Variants in FRAS1 observed in about 807,000 individuals in gnomAD.
The protein encoded by FRAS1 is Fraser extracellular matrix complex subunit 1.
Under a neutral mutation model 435.2 loss-of-function variants are expected in FRAS1, and 290 were observed. The ratio of observed to expected loss-of-function variants is 0.67; its 90% CI spans 0.61 to 0.73. FRAS1 has a LOEUF of 0.73. Ranked by LOEUF, FRAS1 falls within the 30% of genes least tolerant of loss-of-function variation. FRAS1 has a pLI of 0.00. For synonymous variants in FRAS1, 1,800 were observed against 1,851.0 expected, an observed-to-expected ratio of 0.97 and a Z score of 0.71; for missense variants, 4,860 against 5,001.5, an observed-to-expected ratio of 0.97 and a Z score of 0.85.
intron 32 of FRAS1, among the ~76,000 whole-genome samples, chr4:78,415,698 GTCAGA>G (rs1180494593): frequency 6.6e-6 from 1 of 152,216 alleles, no homozygotes; most frequent in East Asian, 1.9e-4. Context: ...AGAAATGAGA[GTCAGA>G]TCATGGAAGA....
chr4:78,185,686 A>C (rs1477708419), intron 2 of FRAS1, among the ~76,000 whole-genome samples: 1 of 152,208 alleles, frequency 6.6e-6, no homozygotes, highest in African/African-American at 2.4e-5. Flanking sequence ...AGCATGTAAA[A>C]ATATCTATAC....
intron 2 of FRAS1, among the ~76,000 whole-genome samples, chr4:78,232,386 T>C (rs930814019): frequency 3.3e-5 from 5 of 151,740 alleles, no homozygotes; most frequent in Admixed American, 6.6e-5. Context: ...CCCGGGTTCA[T>C]GCCATTCTCC....
intron 20 of FRAS1, among the ~76,000 whole-genome samples, chr4:78,345,087 C>T (rs1000958275): frequency 2.6e-5 from 4 of 152,072 alleles, no homozygotes; most frequent in East Asian, 1.9e-4. Flanking sequence ...GGATCTGGGC[C>T]GTTAAAAGCA....
rs547089905 is a variant in FRAS1 at position 78,521,592 on chromosome 4, G to A, written c.10610G>A (p.Arg3537His). Residue 3537 changes from arginine (R) to histidine (H), a missense_variant, in exon 68 of 74, where the codon CGT becomes CAT. Physicochemically the swap from Arg to His is conservative, Grantham distance 29. Coordinates refer to ENST00000512123, the MANE Select transcript of FRAS1 (RefSeq NM_025074.7). ...AGAATCTACATTCGAGAGGATGGCC[G>A]TCTTGTCATTGAATTCAAGACCCAT... ...IIRIYIREDG[R>H]LVIEFKTHAK... is the part of the protein sequence containing the mutation. The A allele has an allele frequency of 9.3e-6, 15 of 1,610,138 alleles. No homozygotes were observed. The highest frequency in any genetic ancestry group is 8.0e-5 in the African/African-American group (6 of 74,696).
chr4:78,187,301 G>A (rs1722315417), intron 2 of FRAS1, among the ~76,000 whole-genome samples: 1 of 152,206 alleles, frequency 6.6e-6, no homozygotes, highest in Non-Finnish European at 1.5e-5. Flanking sequence ...AGCTGGACAA[G>A]CAGAAGGATG....
intron 20 of FRAS1, among the ~76,000 whole-genome samples, chr4:78,361,798 C>A (rs1288427920): frequency 2.6e-5 from 4 of 152,190 alleles, no homozygotes; most frequent in Non-Finnish European, 5.9e-5. Context: ...TTAGCGAGTA[C>A]AAACAAATGC....
chr4:78,308,276 C>CTTGT (rs1728875910), intron 15 of FRAS1, 67 bp downstream of exon 15: 1 of 1,477,502 alleles, frequency 6.8e-7, no homozygotes, highest in South Asian at 1.3e-5. Context: ...TTGTTGTATT[C>CTTGT]AAATCATAGC....
intron 14 of FRAS1, among the ~76,000 whole-genome samples, chr4:78,304,782 A>C (rs1163426446): frequency 1.3e-5 from 2 of 152,000 alleles, no homozygotes; most frequent in Non-Finnish European, 2.9e-5. Flanking sequence ...AAAGTGGTCT[A>C]TCAATTTTGT....
intron 2 of FRAS1, among the ~76,000 whole-genome samples, chr4:78,200,455 A>G (rs1228425417): frequency 6.6e-6 from 1 of 152,200 alleles, no homozygotes; most frequent in African/African-American, 2.4e-5. Context: ...GATTATTATG[A>G]AAGCAGGGCA....
At chr4:78,191,636 A>G (rs1722538884) in intron 2 of FRAS1, among the ~76,000 whole-genome samples, 1 of 150,962 alleles carries the variant, frequency 6.6e-6, no homozygotes, top group East Asian at 2.0e-4. Context: ...GGTGTGCTGC[A>G]CCCATTAACT....
intron 18 of FRAS1, among the ~76,000 whole-genome samples, chr4:78,330,473 G>A (rs2110254730): frequency 6.6e-6 from 1 of 152,336 alleles, no homozygotes; most frequent in African/African-American, 2.4e-5. Context: ...GACCACTGGT[G>A]AGCCATGCAG....
chr4:78,304,328 G>T (rs1331032618), intron 14 of FRAS1, among the ~76,000 whole-genome samples: 1 of 152,096 alleles, frequency 6.6e-6, no homozygotes, highest in African/African-American at 2.4e-5. Flanking sequence ...TTTTTTGGTT[G>T]TGTCTCTGCC....
intron 25 of FRAS1, 40 bp from the exon 26 acceptor site, chr4:78,375,699 G>C: frequency 1.3e-6 from 2 of 1,516,812 alleles, no homozygotes; most frequent in Non-Finnish European, 1.8e-6. Flanking sequence ...CGCTGGTGTT[G>C]CCTTGATTGA....
intron 50 of FRAS1, among the ~76,000 whole-genome samples, chr4:78,467,102 A>C (rs974945482): frequency 6.6e-5 from 10 of 152,138 alleles, no homozygotes; most frequent in African/African-American, 2.4e-4. Flanking sequence ...ATTCTCTTTT[A>C]GTTATTTTAA....
Position 78,508,901 on chromosome 4 carries a change from T to C in FRAS1, c.9675T>C (p.Ser3225=). 1 of 1,613,942 alleles carries C rather than the reference T, an allele frequency of 6.2e-7. No homozygotes were observed. Among genetic ancestry groups the C allele is most frequent in the Non-Finnish European group, 8.5e-7 (1 of 1,179,880 alleles). The change falls in exon 63 of 74, where the codon TCT becomes TCC. Residue 3225 remains serine, a synonymous_variant. Transcript: ENST00000512123. ...RCSEAGINQT[S]VQFSWEVAAP... ...GTGAGGCCGGCATCAACCAGACATC[T>C]GTGCAGTTCAGCTGGGAAGTGGCTG...
At chr4:78,420,589 T>TTAGTTCTATACCTG (rs1262339009) in intron 33 of FRAS1, among the ~76,000 whole-genome samples, 2 of 106,190 alleles carry the variant, frequency 1.9e-5, no homozygotes, top group African/African-American at 2.9e-5. Context: ...GTTCTTAGAA[T>TTAGTTCTATACCTG]AATCAAGACC....
intron 29 of FRAS1, among the ~76,000 whole-genome samples, chr4:78,389,999 G>A (rs1007375937): frequency 6.6e-6 from 1 of 152,034 alleles, no homozygotes; most frequent in African/African-American, 2.4e-5. Flanking sequence ...CCTCTCTCCT[G>A]TATTGCTGTG....
intron 19 of FRAS1, 120 bp downstream of exon 19, chr4:78,333,532 T>G (rs1730030258): frequency 2.9e-6 from 3 of 1,042,164 alleles, no homozygotes; most frequent in Middle Eastern, 2.0e-4. Context: ...TGTAAATCCT[T>G]GTCTTGAACT....
rs1720622853 is a variant in FRAS1, at chr4:78,499,809, C to G, written c.9204C>G (p.Ile3068Met). ...DAIAILNIKV[I>M]RRGDQNRTSK... Reference sequence around the variant, plus strand: ...TTGCGATTCTGAACATCAAGGTGATCCGCAGAGGGGATCAGAACAGGACCT... The same window carrying G: ...TTGCGATTCTGAACATCAAGGTGATGCGCAGAGGGGATCAGAACAGGACCT... Residue 3068 changes from isoleucine to methionine, a missense_variant, in exon 61 of 74, where the codon ATC (isoleucine) becomes ATG (methionine). Ile to Met is a conservative substitution (Grantham distance 10). Coordinates refer to ENST00000512123, the MANE Select transcript of FRAS1 (RefSeq NM_025074.7). The G allele has an allele frequency of 4.3e-6, 7 of 1,613,916 alleles. No individual in the cohort carries two copies. Among genetic ancestry groups the G allele is most frequent in the South Asian group, 3.3e-5 (3 of 91,074 alleles).
Sources: gnomAD v4.1 joint callset for allele counts (sites outside exome capture counted in the v4.1 genomes callset) on GRCh38, gnomAD v4.1.1 for gene constraint, MANE v1.5 for transcripts, NCBI Gene and HGNC (gene_info 2026-07-23, HGNC 2026-07-21) for gene names.